COL28A1: variants seen among roughly 807,000 people sequenced by gnomAD.
COL28A1 encodes the protein collagen type XXVIII alpha 1 chain.
COL28A1 carries 161 observed loss-of-function variants against 150.2 expected under a neutral mutation model. The observed-to-expected ratio is 1.07, with a 90% CI of 0.94 to 1.22. COL28A1 has a LOEUF of 1.22. Among genes scored for constraint, COL28A1 ranks in the 50% most tolerant of loss-of-function variants. COL28A1 has a pLI of 0.00. For missense variants in COL28A1, 1,617 were observed against 1,388.3 expected, an observed-to-expected ratio of 1.16 and a Z score of -2.62; for synonymous variants, 552 against 469.7, an observed-to-expected ratio of 1.18 and a Z score of -2.26.
At chr7:7,389,155 A>G (rs546921424) in intron 27 of COL28A1, among the ~76,000 whole-genome samples, 2 of 152,194 alleles carry the variant, frequency 1.3e-5, no homozygotes, top group South Asian at 4.2e-4. Context: ...TCTTTAATCC[A>G]TCTTGAGTTA....
At chr7:7,412,523 A>G (rs1783848534) in intron 27 of COL28A1, among the ~76,000 whole-genome samples, 1 of 152,126 alleles carries the variant, frequency 6.6e-6, no homozygotes, top group Non-Finnish European at 1.5e-5. Flanking sequence ...GGGACTAGCG[A>G]AAGGGAAGGG....
chr7:7,340,447 G>C, the COL28A1 span, among the ~76,000 whole-genome samples: 1 of 152,118 alleles, frequency 6.6e-6, no homozygotes, highest in African/African-American at 2.4e-5. Context: ...AAACTTTCCA[G>C]CTCACTGTGT....
chr7:7,402,231 A>G (rs1783246736), intron 27 of COL28A1, among the ~76,000 whole-genome samples: 1 of 152,236 alleles, frequency 6.6e-6, no homozygotes, highest in Admixed American at 6.5e-5. Flanking sequence ...TCATTTGAAC[A>G]TCAAGGTTAA....
chr7:7,361,572 C>T (rs2005854), intron 33 of COL28A1, among the ~76,000 whole-genome samples: 118,763 of 152,204 alleles, frequency 0.78, 46,512 homozygotes, highest in East Asian at 0.88. Context: ...TGGTTTTGAT[C>T]TACATTTCTC....
chr7:7,527,084 T>G (rs939732436), intron 3 of COL28A1, among the ~76,000 whole-genome samples: 1 of 152,264 alleles, frequency 6.6e-6, no homozygotes, highest in Admixed American at 6.5e-5. Flanking sequence ...GGCATAAGGC[T>G]TAAAACCATA....
At chr7:7,489,611 G>T (rs1779811215) in intron 12 of COL28A1, among the ~76,000 whole-genome samples, 154 bp from the exon 13 acceptor site, 1 of 152,216 alleles carries the variant, frequency 6.6e-6, no homozygotes, top group Non-Finnish European at 1.5e-5. Context: ...AAGAGAAATA[G>T]CTCGAATTTA....
intron 13 of COL28A1, 139 bp downstream of exon 13, chr7:7,489,250 A>T: frequency 1.6e-6 from 1 of 615,758 alleles, no homozygotes; most frequent in Non-Finnish European, 2.9e-6. Flanking sequence ...AGCCTGGGTG[A>T]CAGTGAGATT....
rs570388320 is a variant in COL28A1 at position 7,434,752 on chromosome 7, AT to A, written c.1860+1642del. On this transcript the variant is annotated intron_variant, in intron 23 of 34. Transcript: ENST00000399429. ...GGAGCAAGAGGAGGAGCAGGTTTTTATTTTGGACTCCTTACCATATTTTTAT... is the reference window on the plus strand; with the variant it reads ...GGAGCAAGAGGAGGAGCAGGTTTTTATTTGGACTCCTTACCATATTTTTAT... Among the ~76,000 whole-genome samples the A allele has an allele frequency of 2.2e-4, 33 of 152,294 alleles. No homozygotes were observed. The East Asian group carries it at 6.4e-3, about 29-fold the overall frequency.
intron 16 of COL28A1, among the ~76,000 whole-genome samples, chr7:7,454,248 CAT>C (rs1786954741): frequency 6.6e-6 from 1 of 152,138 alleles, no homozygotes; most frequent in East Asian, 1.9e-4. Context: ...CTCATAAACA[CAT>C]GAGGGAAAAC....
chr7:7,346,726 G>A, the COL28A1 span, among the ~76,000 whole-genome samples: 1 of 151,896 alleles, frequency 6.6e-6, no homozygotes, highest in Admixed American at 6.6e-5. Context: ...ACTCATTTAA[G>A]CTCAAGGTAA....
At chr7:7,527,332 T>C (rs189013752) in intron 3 of COL28A1, among the ~76,000 whole-genome samples, 16 of 152,272 alleles carry the variant, frequency 1.1e-4, no homozygotes, top group South Asian at 6.2e-4. Context: ...GCTAACAAGA[T>C]GGCTTCTTGG....
intron 9 of COL28A1, among the ~76,000 whole-genome samples, chr7:7,510,025 C>T (rs6463699): frequency 0.13 from 20,083 of 152,084 alleles, 1,452 homozygotes; most frequent in East Asian, 0.22. Context: ...TTATCTCACC[C>T]TCTTCTCCTA....
chr7:7,430,203 T>C (rs544997285), intron 25 of COL28A1, among the ~76,000 whole-genome samples: 18 of 152,304 alleles, frequency 1.2e-4, no homozygotes, highest in African/African-American at 4.3e-4. Flanking sequence ...CTCAGCTCAC[T>C]GCAACCTCCG....
At chr7:7,413,968 G>A (rs570114875) in intron 27 of COL28A1, among the ~76,000 whole-genome samples, 15 of 152,264 alleles carry the variant, frequency 9.9e-5, no homozygotes, top group Non-Finnish European at 1.8e-4. Flanking sequence ...GGACTTCTGG[G>A]TCCTCTGAAA....
Position 7,363,900 on chromosome 7 carries a change from C to T in COL28A1, c.3067-3372G>A, listed in dbSNP as rs188496441. On this transcript the variant is annotated intron_variant, in intron 33 of 34. Transcript: ENST00000399429. ...GATTCAAGCAGTTCTCATGCCTCAG[C>T]CTCCCAAGTAGCTGATATTACAGAG... 7.7e-3 allele frequency among the ~76,000 whole-genome samples: 1,171 copies of T among 152,224 alleles called. 11 individuals carry two copies. The highest frequency in any genetic ancestry group is 0.037 in the Middle Eastern group (11 of 294).
At chr7:7,432,127 A>T (rs1268487355) in intron 25 of COL28A1, among the ~76,000 whole-genome samples, 1 of 152,230 alleles carries the variant, frequency 6.6e-6, no homozygotes, top group African/African-American at 2.4e-5. Flanking sequence ...GGAAGTCATC[A>T]GTGTGTGGAC....
At chr7:7,352,952 G>A (rs1780264580), downstream of COL28A1, among the ~76,000 whole-genome samples, 1 of 152,136 alleles carries the variant, frequency 6.6e-6, no homozygotes, top group South Asian at 2.1e-4. Flanking sequence ...AAAATCTCGG[G>A]ACCTCCCCAA....
At chr7:7,382,852 C>T (rs143611081) in intron 27 of COL28A1, among the ~76,000 whole-genome samples, 2,205 of 152,162 alleles carry the variant, frequency 0.014, 19 homozygotes, top group Non-Finnish European at 0.022. Context: ...TCTGCTAAAG[C>T]TTGAGAGCCA....
At chr7:7,406,233 A>G (rs1783485420) in intron 27 of COL28A1, among the ~76,000 whole-genome samples, 1 of 152,202 alleles carries the variant, frequency 6.6e-6, no homozygotes, top group Non-Finnish European at 1.5e-5. Context: ...TTAATAATGG[A>G]ATCCAATAAT....
Sources: gnomAD v4.1 joint callset for allele counts (sites outside exome capture counted in the v4.1 genomes callset) on GRCh38, gnomAD v4.1.1 for gene constraint, MANE v1.5 for transcripts, NCBI Gene and HGNC (gene_info 2026-07-23, HGNC 2026-07-21) for gene names.